Variants in NBEA observed in about 807,000 individuals in gnomAD.
NBEA encodes neurobeachin, also known as lysosomal-trafficking regulator 2.
NBEA carries 44 observed loss-of-function variants against 343.4 expected under a neutral mutation model. The ratio of observed to expected loss-of-function variants is 0.13; its 90% confidence interval spans 0.10 to 0.16. The LOEUF (loss-of-function observed/expected upper bound fraction) is 0.16, where lower values mean the gene tolerates loss of function less well. Among genes scored for constraint, NBEA ranks in the 10% least tolerant of loss-of-function variants. The pLI is 1.00. For synonymous variants in NBEA, 1,175 were observed against 1,238.7 expected (o/e 0.95, Z 1.08); for missense variants, 2,555 against 3,631.3 (o/e 0.70, Z 7.62).
chr13:34,962,046 G>A (rs557053389), intron 1 of NBEA, among the ~76,000 whole-genome samples: 42 of 152,114 alleles, frequency 2.8e-4, no homozygotes, highest in Admixed American at 2.8e-3. Flanking sequence ...GTTAATACAA[G>A]TTAATTTCAC....
intron 41 of NBEA, among the ~76,000 whole-genome samples, chr13:35,526,224 A>G (rs890834476): frequency 6.6e-6 from 1 of 152,218 alleles, no homozygotes; most frequent in Non-Finnish European, 1.5e-5. Context: ...GATATTTTAA[A>G]TTATTTTGCT....
chr13:35,098,248 A>T, intron 10 of NBEA, 49 bp from the exon 11 acceptor site: 3 of 1,298,666 alleles, frequency 2.3e-6, no homozygotes, highest in Non-Finnish European at 3.2e-6. Flanking sequence ...GACACTGTTT[A>T]TAATAAACAT....
At chr13:35,013,960 G>C (rs1055466871) in intron 1 of NBEA, among the ~76,000 whole-genome samples, 2 of 151,416 alleles carry the variant, frequency 1.3e-5, no homozygotes, top group East Asian at 3.9e-4. Context: ...TATTTACTCA[G>C]TTTTGCTTTT....
At chr13:35,060,713 G>T (rs1385448249) in intron 8 of NBEA, among the ~76,000 whole-genome samples, 1 of 125,686 alleles carries the variant, frequency 8.0e-6, no homozygotes, top group African/African-American at 2.6e-5. Context: ...ATATTAAAAA[G>T]CTTTTTTTTT....
intron 38 of NBEA, among the ~76,000 whole-genome samples, chr13:35,416,295 G>T (rs576324599): frequency 6.6e-6 from 1 of 152,108 alleles, no homozygotes; most frequent in Non-Finnish European, 1.5e-5. Flanking sequence ...GTGAGAGAGC[G>T]CATCCCTGTC....
intron 34 of NBEA, among the ~76,000 whole-genome samples, chr13:35,273,340 A>T (rs145944489): frequency 6.6e-6 from 1 of 152,368 alleles, no homozygotes; most frequent in Non-Finnish European, 1.5e-5. Flanking sequence ...AATCTCTGGG[A>T]CACATTTAAA....
intron 20 of NBEA, 114 bp from the exon 21 acceptor site, chr13:35,156,964 T>G (rs752478905): frequency 1.8e-5 from 14 of 787,532 alleles, no homozygotes; most frequent in Non-Finnish European, 2.7e-5. Context: ...ACTGTACACC[T>G]TGCTTTACTG....
At chr13:35,656,609 G>T (rs2084824586) in intron 55 of NBEA, among the ~76,000 whole-genome samples, 1 of 152,088 alleles carries the variant, frequency 6.6e-6, no homozygotes, top group Admixed American at 6.6e-5. Context: ...TACATAATAG[G>T]TTTCCAATAA....
intron 38 of NBEA, among the ~76,000 whole-genome samples, chr13:35,356,694 T>C (rs1031574851): frequency 6.6e-6 from 1 of 152,158 alleles, no homozygotes; most frequent in Non-Finnish European, 1.5e-5. Flanking sequence ...TCTATTCTTT[T>C]GATCTCTTGT....
chr13:35,380,550 G>A (rs1186222311), intron 38 of NBEA, among the ~76,000 whole-genome samples: 1 of 152,076 alleles, frequency 6.6e-6, no homozygotes, highest in African/African-American at 2.4e-5. Context: ...TTTTGAAGCT[G>A]CTGTAAAAAA....
At chr13:34,983,017 T>G (rs972861381) in intron 1 of NBEA, among the ~76,000 whole-genome samples, 4 of 151,782 alleles carry the variant, frequency 2.6e-5, no homozygotes, top group African/African-American at 9.7e-5. Context: ...ACCTTTGGGT[T>G]ATTATTATTA....
chr13:35,565,077 A>G (rs1463191797), intron 44 of NBEA, among the ~76,000 whole-genome samples: 10 of 152,188 alleles, frequency 6.6e-5, no homozygotes, highest in African/African-American at 2.2e-4. Context: ...AGAGGTCTGT[A>G]TGAGAACTGT....
At chr13:35,203,392 T>C (rs1286226543) in intron 31 of NBEA, among the ~76,000 whole-genome samples, 1 of 152,206 alleles carries the variant, frequency 6.6e-6, no homozygotes, top group Non-Finnish European at 1.5e-5. Context: ...TCTCAAATAC[T>C]ACCATTTTTT....
chr13:35,357,311 T>A (rs1287742642), intron 38 of NBEA, among the ~76,000 whole-genome samples: 1 of 152,068 alleles, frequency 6.6e-6, no homozygotes, highest in Admixed American at 6.6e-5. Context: ...GTTTTTTTTT[T>A]AACTTTTAAG....
intron 35 of NBEA, 118 bp downstream of exon 35, chr13:35,290,568 T>C (rs1236389167): frequency 9.5e-6 from 6 of 630,490 alleles, no homozygotes. Flanking sequence ...CCATCTATTA[T>C]CCCATAGATG....
At chr13:35,085,907 G>A (rs2064732370) in intron 10 of NBEA, among the ~76,000 whole-genome samples, 1 of 152,194 alleles carries the variant, frequency 6.6e-6, no homozygotes, top group Non-Finnish European at 1.5e-5. Context: ...AAATCAATGT[G>A]CAGAAATCAC....
At position 35,118,780 on chromosome 13, in the gene NBEA, G is replaced by A. The variant is rs190907611; in HGVS notation, c.2243+306G>A. Among the ~76,000 whole-genome samples the A allele has an allele frequency of 2.6e-3, 392 of 151,662 alleles. 1 individual carries two copies. The highest frequency in any genetic ancestry group is 9.1e-3 in the African/African-American group (377 of 41,446). ...AAGCAAGGCACATTTTACCAAAAGAGGATACAATGAAATTTTATGATATGA... is the reference window on the plus strand; with the variant it reads ...AAGCAAGGCACATTTTACCAAAAGAAGATACAATGAAATTTTATGATATGA... On this transcript the variant is annotated intron_variant, in intron 16 of 58. Coordinates refer to ENST00000379939, the MANE Select transcript of NBEA (RefSeq NM_001385012.1).
intron 39 of NBEA, 78 bp from the exon 40 acceptor site, chr13:35,452,014 C>A: frequency 1.0e-6 from 1 of 966,406 alleles, no homozygotes. Context: ...TTTAATAAAG[C>A]AATCAATTAT....
chr13:35,597,122 A>T (rs958215864), intron 47 of NBEA, among the ~76,000 whole-genome samples: 13 of 152,170 alleles, frequency 8.5e-5, no homozygotes, highest in Non-Finnish European at 2.9e-5. Context: ...ACATACTTTC[A>T]GGTCCAATTT....
Sources: allele counts gnomAD v4.1 joint callset (sites outside exome capture counted in the v4.1 genomes callset), GRCh38; gene constraint gnomAD v4.1.1; transcripts MANE v1.5; gene names NCBI Gene and HGNC (gene_info 2026-07-23, HGNC 2026-07-21).